The following EPB41L3 variants were observed in gnomAD, a reference collection of about 807,000 sequenced individuals.
EPB41L3 encodes the protein band 4.1-like protein 3.
In EPB41L3, 57 loss-of-function variants were observed where a neutral mutation model predicts 127.1. That is an observed-to-expected ratio of 0.45 (90% CI 0.36 to 0.56). EPB41L3 has a LOEUF of 0.56. Ranked by LOEUF, EPB41L3 falls within the 20% of genes least tolerant of loss-of-function variation. EPB41L3 has a pLI of 0.00. For missense variants in EPB41L3, 1,273 were observed against 1,372.2 expected, an observed-to-expected ratio of 0.93 and a Z score of 1.14; for synonymous variants, 572 against 549.5, an observed-to-expected ratio of 1.04 and a Z score of -0.57.
At chr18:5,598,254 AC>A (rs924073578) in intron 3 of EPB41L3, among the ~76,000 whole-genome samples, 1 of 152,146 alleles carries the variant, frequency 6.6e-6, no homozygotes, top group Non-Finnish European at 1.5e-5. Flanking sequence ...TTCTTACTAT[AC>A]TACAAAACAG....
In EPB41L3 at chr18:5,587,630, A is replaced by G. The variant is rs541615466; in HGVS notation, c.-306+24710T>C. ...GGCACACTGGTAGCATAGACCACAA[A>G]TAGCCATAAAATTCCTTCTTGCCCT... On this transcript the variant is annotated intron_variant, in intron 3 of 21. Transcript: ENST00000545076. 3.9e-5 allele frequency among the ~76,000 whole-genome samples: 6 copies of G among 152,286 alleles called. No individual in the cohort carries two copies. In the South Asian group the frequency reaches 1.2e-3, roughly 32 times the overall value.
intron 3 of EPB41L3, among the ~76,000 whole-genome samples, chr18:5,469,075 T>C (rs2085574319): frequency 6.6e-6 from 1 of 152,196 alleles, no homozygotes; most frequent in Non-Finnish European, 1.5e-5. Context: ...ACGTACCTCA[T>C]TCTTCCTGCA....
chr18:5,553,850 C>T (rs1326665828), intron 3 of EPB41L3, among the ~76,000 whole-genome samples: 2 of 152,172 alleles, frequency 1.3e-5, no homozygotes, highest in Admixed American at 6.5e-5. Context: ...AGCCAGATCA[C>T]GTCACTCTTG....
chr18:5,412,410 G>T (rs2076307051), intron 13 of EPB41L3, among the ~76,000 whole-genome samples: 2 of 151,978 alleles, frequency 1.3e-5, no homozygotes, highest in African/African-American at 4.8e-5. Flanking sequence ...ACTTTTAGTA[G>T]AGGCAGGGTT....
chr18:5,630,257 T>C, upstream of EPB41L3: 1 of 420,994 alleles, frequency 2.4e-6, no homozygotes, highest in Middle Eastern at 8.6e-4. Context: ...CGCCCCTTCC[T>C]CGCTTTCTCC....
Position 5,416,172 on chromosome 18 carries a change from C to G in EPB41L3, c.1713G>C (p.Val571=). 6.2e-7 allele frequency: 1 copy of G among 1,614,010 alleles called. No individual in the cohort carries two copies. Among genetic ancestry groups the G allele is most frequent in the Non-Finnish European group, 8.5e-7 (1 of 1,179,950 alleles). Residue 571 remains valine (V), a synonymous_variant, in exon 13 of 23, where the codon GTG becomes GTC. Coordinates refer to ENST00000341928, the MANE Select transcript of EPB41L3 (RefSeq NM_012307.5). ...PGRPYLGDQD[V]AFSYRQQTGK... ...CAGTTTGCTGTCTGTAGCTAAAAGCCACATCTTGATCCCCTAGGTAAGGCC... is the reference window on the plus strand; with the variant it reads ...CAGTTTGCTGTCTGTAGCTAAAAGCGACATCTTGATCCCCTAGGTAAGGCC...
chr18:5,626,533 T>C (rs760667198), intron 1 of EPB41L3, among the ~76,000 whole-genome samples: 13 of 152,238 alleles, frequency 8.5e-5, no homozygotes, highest in African/African-American at 1.4e-4. Flanking sequence ...CTAATTGTGC[T>C]TCTTGCTATT....
chr18:5,472,140 A>G (rs1313205828), intron 3 of EPB41L3, among the ~76,000 whole-genome samples: 2 of 152,218 alleles, frequency 1.3e-5, no homozygotes, highest in African/African-American at 4.8e-5. Context: ...CTTTTTAAAA[A>G]TGAAAACCAG....
intron 1 of EPB41L3, among the ~76,000 whole-genome samples, chr18:5,490,376 A>G (rs572314514): frequency 6.6e-6 from 1 of 152,352 alleles, no homozygotes; most frequent in East Asian, 1.9e-4. Context: ...GTGCAAAAAT[A>G]AAACTAGTAA....
intron 21 of EPB41L3, 116 bp downstream of exon 21, chr18:5,394,951 A>G: frequency 8.0e-7 from 1 of 1,244,584 alleles, no homozygotes; most frequent in Non-Finnish European, 1.2e-6. Flanking sequence ...TTGGAAAGTT[A>G]ATTCGGAATT....
At chr18:5,396,810 G>T (rs2073581390) in intron 18 of EPB41L3, among the ~76,000 whole-genome samples, 1 of 152,116 alleles carries the variant, frequency 6.6e-6, no homozygotes, top group Admixed American at 6.5e-5. Context: ...TAATTTCAGT[G>T]AGAGTAGAAA....
intron 1 of EPB41L3, among the ~76,000 whole-genome samples, chr18:5,529,325 C>A (rs2093336588): frequency 6.7e-6 from 1 of 150,286 alleles, no homozygotes; most frequent in Non-Finnish European, 1.5e-5. Flanking sequence ...CAAATACATA[C>A]ATATATATAT....
At chr18:5,525,054 G>A (rs1347790299) in intron 1 of EPB41L3, among the ~76,000 whole-genome samples, 4 of 152,166 alleles carry the variant, frequency 2.6e-5, no homozygotes, top group African/African-American at 4.8e-5. Context: ...AGAAAACCCA[G>A]TTTTAACACA....
intron 5 of EPB41L3, among the ~76,000 whole-genome samples, chr18:5,442,694 C>T (rs1037723559): frequency 3.3e-5 from 5 of 152,088 alleles, no homozygotes; most frequent in Non-Finnish European, 7.4e-5. Flanking sequence ...TTAGACTTTA[C>T]TGACAAAAAT....
chr18:5,444,840 C>CT, intron 4 of EPB41L3, among the ~76,000 whole-genome samples: 1 of 152,142 alleles, frequency 6.6e-6, no homozygotes, highest in Admixed American at 6.5e-5. Context: ...CACATTACTC[C>CT]CCCCAACCCC....
intron 3 of EPB41L3, among the ~76,000 whole-genome samples, chr18:5,591,484 C>T (rs544638504): frequency 6.6e-6 from 1 of 152,130 alleles, no homozygotes; most frequent in Non-Finnish European, 1.5e-5. Context: ...TATGGGGGCT[C>T]CACCCTCATG....
At chr18:5,496,032 CTATT>C (rs1396402437) in intron 1 of EPB41L3, among the ~76,000 whole-genome samples, 4 of 152,142 alleles carry the variant, frequency 2.6e-5, no homozygotes, top group Non-Finnish European at 5.9e-5. Context: ...GCTTCATTAA[CTATT>C]TGAGTCTATA....
intron 13 of EPB41L3, among the ~76,000 whole-genome samples, chr18:5,412,583 T>C (rs959972339): frequency 6.6e-6 from 1 of 152,212 alleles, no homozygotes; most frequent in Non-Finnish European, 1.5e-5. Context: ...CTAAAATTTT[T>C]GAAAGTGCTT....
At chr18:5,533,710 G>A (rs959915328) in intron 1 of EPB41L3, among the ~76,000 whole-genome samples, 3 of 152,120 alleles carry the variant, frequency 2.0e-5, no homozygotes, top group Non-Finnish European at 2.9e-5. Flanking sequence ...TAAGAGCTAC[G>A]TACTTTCACT....
Sources: allele counts gnomAD v4.1 joint callset (sites outside exome capture counted in the v4.1 genomes callset), GRCh38; gene constraint gnomAD v4.1.1; transcripts MANE v1.5; gene names NCBI Gene and HGNC (gene_info 2026-07-23, HGNC 2026-07-21).